ANO10: variants seen among roughly 807,000 people sequenced by gnomAD.
ANO10 encodes the protein anoctamin-10.
ANO10 carries 77 observed loss-of-function variants against 74.7 expected under a neutral mutation model. The ratio of observed to expected loss-of-function variants is 1.03; its 90% CI spans 0.86 to 1.25. ANO10 has a LOEUF of 1.25. Ranked by LOEUF, ANO10 falls within the 50% of genes most tolerant of loss-of-function variation. ANO10 has a pLI of 0.00. For synonymous variants in ANO10, 279 were observed against 284.9 expected (o/e 0.98, Z 0.21); for missense variants, 721 against 778.1 (o/e 0.93, Z 0.87).
rs145563850 is a variant in ANO10, at chr3:43,665,343, G to T, written c.-12+26174C>A. Among the ~76,000 whole-genome samples, 100 of 152,190 alleles carry T rather than the reference G, an allele frequency of 6.6e-4. 3 individuals carry two copies. Among genetic ancestry groups the T allele is most frequent in the African/African-American group, 2.3e-3 (97 of 41,496 alleles). On this transcript the variant is annotated intron_variant, in intron 1 of 3. Coordinates refer to the ANO10 transcript ENST00000413397. The stretch of plus-strand genomic sequence containing the variant: ...GAACAATGAGAACACATGGACACAG[G>T]GAGGGGAACATCACACACCAGGGCC...
intron 12 of ANO10, among the ~76,000 whole-genome samples, chr3:43,423,606 G>T (rs11708097): frequency 0.18 from 28,043 of 152,218 alleles, 3,110 homozygotes; most frequent in Middle Eastern, 0.35. Context: ...CAGGTATACT[G>T]GTGGTCAGAG....
intron 7 of ANO10, among the ~76,000 whole-genome samples, chr3:43,571,266 A>T (rs2080698805): frequency 6.6e-6 from 1 of 152,118 alleles, no homozygotes; most frequent in Admixed American, 6.5e-5. Flanking sequence ...CCATTGTGGA[A>T]GTCAGTGTGG....
intron 4 of ANO10, among the ~76,000 whole-genome samples, chr3:43,582,189 C>A (rs529168901): frequency 1.3e-5 from 2 of 152,234 alleles, no homozygotes; most frequent in East Asian, 3.9e-4. Context: ...CGGTGGCTCA[C>A]ACCTGTAATC....
intron 8 of ANO10, 106 bp from the exon 9 acceptor site, chr3:43,561,508 C>T (rs2080036783): frequency 2.0e-6 from 2 of 1,002,550 alleles, no homozygotes; most frequent in Admixed American, 2.4e-5. Flanking sequence ...AGCATAAATA[C>T]AATTATGCAA....
intron 1 of ANO10, among the ~76,000 whole-genome samples, chr3:43,634,121 A>G (rs951741281): frequency 6.6e-6 from 1 of 152,150 alleles, no homozygotes; most frequent in Non-Finnish European, 1.5e-5. Flanking sequence ...ATGGGCAGAC[A>G]CACAAAAGAC....
At chr3:43,678,488 T>C (rs1157898760) in intron 1 of ANO10, among the ~76,000 whole-genome samples, 1 of 152,206 alleles carries the variant, frequency 6.6e-6, no homozygotes, top group Non-Finnish European at 1.5e-5. Context: ...ATTCCAGACA[T>C]TGTATGGGAA....
intron 10 of ANO10, among the ~76,000 whole-genome samples, chr3:43,551,310 C>A (rs1213557399): frequency 1.3e-5 from 2 of 152,194 alleles, no homozygotes; most frequent in Admixed American, 6.5e-5. Context: ...CATGCTTCCA[C>A]CAGCAGCATA....
chr3:43,568,277 G>A (rs1336822303), intron 7 of ANO10, among the ~76,000 whole-genome samples: 2 of 151,890 alleles, frequency 1.3e-5, no homozygotes, highest in Admixed American at 6.6e-5. Flanking sequence ...ACAGATCAAC[G>A]AGACAGAAAG....
chr3:43,525,092 C>T (rs1163211116), intron 11 of ANO10, among the ~76,000 whole-genome samples: 1 of 152,100 alleles, frequency 6.6e-6, no homozygotes, highest in Non-Finnish European at 1.5e-5. Flanking sequence ...ATCACCACAG[C>T]CATACTCTTA....
At chr3:43,446,717 G>A (rs1023144839) in intron 11 of ANO10, among the ~76,000 whole-genome samples, 5 of 152,066 alleles carry the variant, frequency 3.3e-5, no homozygotes, top group African/African-American at 1.2e-4. Flanking sequence ...TTGCCATACC[G>A]AAAACACTCG....
intron 7 of ANO10, among the ~76,000 whole-genome samples, chr3:43,572,882 C>T (rs2080807203): frequency 6.6e-6 from 1 of 152,004 alleles, no homozygotes; most frequent in African/African-American, 2.4e-5. Flanking sequence ...TAAGTTAGAG[C>T]AGAAGTTGAA....
intron 12 of ANO10, among the ~76,000 whole-genome samples, chr3:43,428,153 G>C (rs960842236): frequency 6.6e-6 from 1 of 151,956 alleles, no homozygotes; most frequent in African/African-American, 2.4e-5. Context: ...AGATTCAAGC[G>C]ATTCTCGTGC....
intron 1 of ANO10, among the ~76,000 whole-genome samples, chr3:43,673,315 TGGATATTCA>T (rs1288707004): frequency 2.0e-5 from 3 of 152,160 alleles, no homozygotes; most frequent in Non-Finnish European, 4.4e-5. Flanking sequence ...CTAAACAGAA[TGGATATTCA>T]GTAAGCCGTA....
intron 11 of ANO10, among the ~76,000 whole-genome samples, chr3:43,513,939 G>C (rs140026815): frequency 0.012 from 1,848 of 150,110 alleles, 25 homozygotes; most frequent in Non-Finnish European, 0.02. Context: ...ATATTATTTT[G>C]TTTGCTATTA....
chr3:43,496,778 C>G (rs1407025135), intron 11 of ANO10, among the ~76,000 whole-genome samples: 1 of 152,024 alleles, frequency 6.6e-6, no homozygotes, highest in Admixed American at 6.6e-5. Context: ...ATCCTTTGTC[C>G]CCCACCCCTG....
At position 43,366,966 on chromosome 3, in the gene ANO10, C is replaced by T. The variant is rs1260794121; in HGVS notation, c.1923G>A (p.Lys641=). ...CCTCCTTCAGGTTCTCGGTCACGAGCTTCATTTGCTGTTAAGAGAAAACAG... is the reference window on the plus strand; with the variant it reads ...CCTCCTTCAGGTTCTCGGTCACGAGTTTCATTTGCTGTTAAGAGAAAACAG... ...SLEALKQQQM[K]LVTENLKEEP... is the part of the protein sequence containing the mutation. Residue 641 remains lysine, a synonymous_variant, in exon 13 of 13, where the codon AAG becomes AAA. Coordinates refer to ENST00000292246, the MANE Select transcript of ANO10 (RefSeq NM_018075.5). 16 of 1,600,032 alleles carry T rather than the reference C, an allele frequency of 1.0e-5. No homozygotes were observed. The highest frequency in any genetic ancestry group is 1.7e-5 in the Admixed American group (1 of 57,834).
chr3:43,380,966 T>C (rs1452132310), intron 12 of ANO10, among the ~76,000 whole-genome samples: 1 of 152,130 alleles, frequency 6.6e-6, no homozygotes, highest in Non-Finnish European at 1.5e-5. Flanking sequence ...CATACAATCA[T>C]GGCGGAAGGG....
At chr3:43,442,444 G>T (rs1415850492) in intron 11 of ANO10, among the ~76,000 whole-genome samples, 3 of 151,920 alleles carry the variant, frequency 2.0e-5, no homozygotes, top group African/African-American at 7.3e-5. Context: ...GCATCAAAAA[G>T]AATAAAAATA....
At chr3:43,664,395 G>T (rs2083963440) in intron 1 of ANO10, among the ~76,000 whole-genome samples, 1 of 151,766 alleles carries the variant, frequency 6.6e-6, no homozygotes, top group African/African-American at 2.4e-5. Context: ...ATGGATCAAA[G>T]ACTAAAACAT....
Sources: allele counts gnomAD v4.1 joint callset (sites outside exome capture counted in the v4.1 genomes callset), GRCh38; gene constraint gnomAD v4.1.1; transcripts MANE v1.5; gene names NCBI Gene and HGNC (gene_info 2026-07-23, HGNC 2026-07-21).